The following ASB18 variants were observed in gnomAD, a reference collection of about 807,000 sequenced individuals.
The protein encoded by ASB18 is ankyrin repeat and SOCS box containing 18.
In ASB18, 33 loss-of-function variants were observed where a neutral mutation model predicts 33.4. The ratio of observed to expected loss-of-function variants is 0.99; its 90% CI spans 0.75 to 1.32. ASB18 has a LOEUF of 1.32. Among genes scored for constraint, ASB18 ranks in the 40% most tolerant of loss-of-function variants. The pLI is 0.00. For missense variants in ASB18, 694 were observed against 655.5 expected, an observed-to-expected ratio of 1.06 and a Z score of -0.64; for synonymous variants, 295 against 307.6, an observed-to-expected ratio of 0.96 and a Z score of 0.43.
In ASB18 at chr2:236,193,833, T is replaced by C. The variant is rs368550908; in HGVS notation, c.*1039A>G. On this transcript the variant is annotated 3_prime_UTR_variant, in exon 6 of 6. Coordinates refer to ENST00000409749, the MANE Select transcript of ASB18 (RefSeq NM_212556.4). This position sits in a 1 kb window ranked among gnomAD's most constrained non-coding sequence, Gnocchi z 5.0. ...GATTCCTGGGCAAGGCCACTGTCTG[T>C]ATGGGTTTTCTCTGGGTGCTCCAGT... Among the ~76,000 whole-genome samples the C allele has an allele frequency of 2.2e-4, 34 of 152,192 alleles. No homozygotes were observed. In the East Asian group the frequency reaches 4.3e-3, roughly 19 times the overall value.
intron 2 of ASB18, among the ~76,000 whole-genome samples, chr2:236,240,265 T>TC (rs2060615375): frequency 6.6e-6 from 1 of 152,230 alleles, no homozygotes; most frequent in Admixed American, 6.5e-5. Flanking sequence ...CATTTGCCTT[T>TC]CCTGCAGCCC....
intron 3 of ASB18, among the ~76,000 whole-genome samples, chr2:236,232,377 A>T (rs764613223): frequency 2.6e-5 from 4 of 152,096 alleles, no homozygotes; most frequent in Non-Finnish European, 1.5e-5. Context: ...TAGCACTAAA[A>T]GCCTATATTA....
chr2:236,255,799 T>C lies in ASB18; in HGVS notation c.205+8342A>G, dbSNP rs1330278447. Among the ~76,000 whole-genome samples, 3 of 152,248 alleles carry C rather than the reference T, an allele frequency of 2.0e-5. No individual in the cohort carries two copies. The highest frequency in any genetic ancestry group is 1.9e-4 in the East Asian group (1 of 5,162). ...TTTGCCTGGGGCTTCCTCTCTTCTC[T>C]GATTTACACACCCAAGTCCAAGTTG... On this transcript the variant is annotated intron_variant, in intron 1 of 5. Coordinates refer to ENST00000409749, the MANE Select transcript of ASB18 (RefSeq NM_212556.4). The surrounding 1 kb of genome is among the most constrained non-coding windows in gnomAD (Gnocchi z 4.4).
rs181681078 is a variant in ASB18 at position 236,216,559 on chromosome 2, G to A, written c.597-1693C>T. Among the ~76,000 whole-genome samples, 87 of 152,138 alleles carry A rather than the reference G, an allele frequency of 5.7e-4. No homozygotes were observed. Among genetic ancestry groups the A allele is most frequent in the African/African-American group, 1.8e-3 (76 of 41,490 alleles). ...CATTTTCCTGTCTTTCTATTTCCCT[G>A]CCCCATTTCAACTGGTCACTGAGCC... is the stretch of plus-strand genomic sequence containing the variant. On this transcript the variant is annotated intron_variant, in intron 3 of 5. Coordinates refer to ENST00000409749, the MANE Select transcript of ASB18 (RefSeq NM_212556.4). This position sits in a 1 kb window ranked among gnomAD's most constrained non-coding sequence, Gnocchi z 6.1.
chr2:236,213,512 C>T lies in ASB18; in HGVS notation c.1101+850G>A, dbSNP rs112173471. Among the ~76,000 whole-genome samples, 146 of 152,252 alleles carry T rather than the reference C, an allele frequency of 9.6e-4. No individual in the cohort carries two copies. Among genetic ancestry groups the T allele is most frequent in the African/African-American group, 3.4e-3 (142 of 41,542 alleles). On this transcript the variant is annotated intron_variant, in intron 4 of 5. Transcript: ENST00000409749. The surrounding 1 kb of genome is among the most constrained non-coding windows in gnomAD (Gnocchi z 4.8). ...AGATAATTTTTAAATTAAACACACC[C>T]GGATTTTACATCTAATGGAATGACT...
At chr2:236,232,041 C>T (rs577659293) in intron 3 of ASB18, among the ~76,000 whole-genome samples, 2 of 152,244 alleles carry the variant, frequency 1.3e-5, no homozygotes, top group Admixed American at 1.3e-4. Context: ...CTACATTGAA[C>T]TACTGCAGAA....
At chr2:236,198,246 T>TA (rs2060383477) in intron 4 of ASB18, among the ~76,000 whole-genome samples, 1 of 152,236 alleles carries the variant, frequency 6.6e-6, no homozygotes, top group African/African-American at 2.4e-5. Context: ...TATGCTAATG[T>TA]TTTATGTGTT....
rs1559333184 is a variant in ASB18 at position 236,228,555 on chromosome 2, C to T, written c.596+9134G>A. Among the ~76,000 whole-genome samples, 2 of 152,182 alleles carry T rather than the reference C, an allele frequency of 1.3e-5. No individual in the cohort carries two copies. The highest frequency in any genetic ancestry group is 2.1e-4 in the South Asian group (1 of 4,828). On this transcript the variant is annotated intron_variant, in intron 3 of 5. Coordinates refer to ENST00000409749, the MANE Select transcript of ASB18 (RefSeq NM_212556.4). The surrounding 1 kb of genome is among the most constrained non-coding windows in gnomAD (Gnocchi z 5.1). ...GCCACCTGAAAGGAAGGATTAGAAC[C>T]GACTGAAATATGTCAAATATTTTGT... is the stretch of plus-strand genomic sequence containing the variant.
At position 236,204,700 on chromosome 2, in the gene ASB18, C is replaced by T. The variant is rs985829666; in HGVS notation, c.1102-8315G>A. On this transcript the variant is annotated intron_variant, in intron 4 of 5. Transcript: ENST00000409749. This position sits in a 1 kb window ranked among gnomAD's most constrained non-coding sequence, Gnocchi z 5.1. ...AACCTGCTGTGCCACCCATAACCTG[C>T]CCCATTCCCAAGTGATAGCAAACTC... 2.0e-5 allele frequency among the ~76,000 whole-genome samples: 3 copies of T among 152,076 alleles called. No individual in the cohort carries two copies. Among genetic ancestry groups the T allele is most frequent in the Non-Finnish European group, 4.4e-5 (3 of 68,016 alleles).
In ASB18 at chr2:236,214,406, G is replaced by A. The variant is rs1466747619; in HGVS notation, c.1057C>T (p.Leu353Phe). The change falls in exon 4 of 6, where the codon CTC (leucine) becomes TTC (phenylalanine). Residue 353 changes from leucine (L) to phenylalanine (F), a missense_variant. By Grantham distance (22) the Leu-to-Phe change is conservative. Coordinates refer to ENST00000409749, the MANE Select transcript of ASB18 (RefSeq NM_212556.4). The surrounding 1 kb of genome is among the most constrained non-coding windows in gnomAD (Gnocchi z 6.5). ...ASPQRTVQAL[L>F]NHGSPTVWPD... ...CACACGGTGGGAGAGCCGTGGTTGAGCAGCGCCTGCACCGTGCGCTGCGGT... is the reference window on the plus strand; with the variant it reads ...CACACGGTGGGAGAGCCGTGGTTGAACAGCGCCTGCACCGTGCGCTGCGGT... 3.2e-6 allele frequency: 5 copies of A among 1,572,706 alleles called. No homozygotes were observed. Among genetic ancestry groups the A allele is most frequent in the Non-Finnish European group, 4.3e-6 (5 of 1,165,440 alleles).
chr2:236,250,578 T>C lies in ASB18; in HGVS notation c.206-9176A>G, dbSNP rs542010688. On this transcript the variant is annotated intron_variant, in intron 1 of 5. Coordinates refer to ENST00000409749, the MANE Select transcript of ASB18 (RefSeq NM_212556.4). The surrounding 1 kb of genome is among the most constrained non-coding windows in gnomAD (Gnocchi z 4.1). ...TTTTTACCTGGAGGGTTTCTGTAAATGGCCATGTACTAAGTCTGACTGGAC... is the reference window on the plus strand; with the variant it reads ...TTTTTACCTGGAGGGTTTCTGTAAACGGCCATGTACTAAGTCTGACTGGAC... 1.2e-4 allele frequency: 18 copies of C among 152,296 alleles called. No individual in the cohort carries two copies. The highest frequency in any genetic ancestry group is 4.3e-4 in the African/African-American group (18 of 41,558). The allele number at this position is 152,296 out of a possible 1,614,324, so 9.4% of individuals were successfully genotyped here.
chr2:236,202,777 C>CAAAAAAAAAAAAAAAAAAAA (rs34973734), intron 4 of ASB18, among the ~76,000 whole-genome samples: 1 of 68,738 alleles, frequency 1.5e-5, no homozygotes, highest in African/African-American at 5.5e-5. Context: ...GACTCCGTCT[C>CAAAAAAAAAAAAAAAAAAAA]AAAAAAAAAA....
In ASB18 at chr2:236,245,539, G is replaced by T. The variant is rs2060640934; in HGVS notation, c.206-4137C>A. ...GTCTCTCCAGGTGTCTGTGCAGGCT[G>T]TTCCTTCTGCCTGCAGTCCTTATTT... is the stretch of plus-strand genomic sequence containing the variant. On this transcript the variant is annotated intron_variant, in intron 1 of 5. Transcript: ENST00000409749. This position sits in a 1 kb window ranked among gnomAD's most constrained non-coding sequence, Gnocchi z 4.7. 6.6e-6 allele frequency among the ~76,000 whole-genome samples: 1 copy of T among 152,160 alleles called. No homozygotes were observed. Among genetic ancestry groups the T allele is most frequent in the African/African-American group, 2.4e-5 (1 of 41,434 alleles).
In ASB18 at chr2:236,208,137, A is replaced by G. The variant is rs2060442850; in HGVS notation, c.1101+6225T>C. 6.6e-6 allele frequency among the ~76,000 whole-genome samples: 1 copy of G among 152,010 alleles called. No homozygotes were observed. On this transcript the variant is annotated intron_variant, in intron 4 of 5. Coordinates refer to ENST00000409749, the MANE Select transcript of ASB18 (RefSeq NM_212556.4). This position sits in a 1 kb window ranked among gnomAD's most constrained non-coding sequence, Gnocchi z 7.7. ...TTACTGTCACTGAGTCAGGCTTGGC[A>G]GGCTTTACGGAAAGAGAGAGACAGA...
At position 236,245,939 on chromosome 2, in the gene ASB18, G is replaced by T. The variant is rs1016439506; in HGVS notation, c.206-4537C>A. Among the ~76,000 whole-genome samples the T allele has an allele frequency of 6.6e-6, 1 of 152,152 alleles. No homozygotes were observed. The highest frequency in any genetic ancestry group is 1.5e-5 in the Non-Finnish European group (1 of 68,036). On this transcript the variant is annotated intron_variant, in intron 1 of 5. Transcript: ENST00000409749. The surrounding 1 kb of genome is among the most constrained non-coding windows in gnomAD (Gnocchi z 4.7). ...CACCCTTAGGGAAGAACACCATAAC[G>T]TGGACGCTCGGCTGGCCTAGGGCAG...
At chr2:236,199,643 A>C (rs962061102) in intron 4 of ASB18, among the ~76,000 whole-genome samples, 3 of 151,892 alleles carry the variant, frequency 2.0e-5, no homozygotes, top group Non-Finnish European at 4.4e-5. Flanking sequence ...TTGAAATAGT[A>C]GAGTATACAT....
rs763095473 is a variant in ASB18, at chr2:236,200,632, G to A, written c.1102-4247C>T. On this transcript the variant is annotated intron_variant, in intron 4 of 5. Coordinates refer to ENST00000409749, the MANE Select transcript of ASB18 (RefSeq NM_212556.4). The surrounding 1 kb of genome is among the most constrained non-coding windows in gnomAD (Gnocchi z 4.2). Reference sequence around the variant, plus strand: ...CTCTCCTTTCCTCCCTCCTGCTGCCGGGACACCCCACTGGCTATACCCAGC... The same window carrying A: ...CTCTCCTTTCCTCCCTCCTGCTGCCAGGACACCCCACTGGCTATACCCAGC... 6.6e-6 allele frequency among the ~76,000 whole-genome samples: 1 copy of A among 152,108 alleles called. No individual in the cohort carries two copies. Among genetic ancestry groups the A allele is most frequent in the Admixed American group, 6.5e-5 (1 of 15,278 alleles).
In ASB18 at chr2:236,208,404, C is replaced by A. The variant is rs563911202; in HGVS notation, c.1101+5958G>T. Among the ~76,000 whole-genome samples the A allele has an allele frequency of 3.3e-5, 5 of 152,234 alleles. No homozygotes were observed. The highest frequency in any genetic ancestry group is 1.2e-4 in the African/African-American group (5 of 41,466). ...AAATCACGCCATTAAGAAGGACTCA[C>A]GCTGGACCCCTCGGGATGGAGTCTG... On this transcript the variant is annotated intron_variant, in intron 4 of 5. Transcript: ENST00000409749. The surrounding 1 kb of genome is among the most constrained non-coding windows in gnomAD (Gnocchi z 7.7).
chr2:236,241,623 G>A lies in ASB18; in HGVS notation c.206-221C>T, dbSNP rs914965086. 28 of 647,656 alleles carry A rather than the reference G, an allele frequency of 4.3e-5. No individual in the cohort carries two copies. Among genetic ancestry groups the A allele is most frequent in the Admixed American group, 9.5e-5 (4 of 42,236 alleles). The allele number at this position is 647,656 out of a possible 1,614,324, so 40.1% of individuals were successfully genotyped here. On this transcript the variant is annotated intron_variant, in intron 1 of 5. Coordinates refer to ENST00000409749, the MANE Select transcript of ASB18 (RefSeq NM_212556.4). The surrounding 1 kb of genome is among the most constrained non-coding windows in gnomAD (Gnocchi z 4.2). Reference sequence around the variant, plus strand: ...CATTACTCAATTGTCATCCAGTTGGGGCTCGATGGTGGTATATTTATAACT... The same window carrying A: ...CATTACTCAATTGTCATCCAGTTGGAGCTCGATGGTGGTATATTTATAACT...
Sources: allele counts gnomAD v4.1 joint callset (sites outside exome capture counted in the v4.1 genomes callset), GRCh38; gene constraint gnomAD v4.1.1; non-coding constraint Gnocchi (gnomAD v3.1); transcripts MANE v1.5; gene names NCBI Gene and HGNC (gene_info 2026-07-23, HGNC 2026-07-21).